Variants in OSTN observed in about 807,000 individuals in gnomAD.
OSTN encodes osteocrin.
Under a neutral mutation model 12.0 loss-of-function variants are expected in OSTN, and 9 were observed. That is an observed-to-expected ratio of 0.75 (90% CI 0.45 to 1.30). The LOEUF is 1.30. OSTN is among the 50% of genes most tolerant of loss of function. The pLI is 0.00. For missense variants in OSTN, 148 were observed against 152.3 expected, an observed-to-expected ratio of 0.97 and a Z score of 0.15; for synonymous variants, 59 against 56.9, an observed-to-expected ratio of 1.04 and a Z score of -0.16.
chr3:191,213,441 A>T lies in OSTN; in HGVS notation c.102+807A>T, dbSNP rs190049719. 70 of 152,290 alleles carry T rather than the reference A, an allele frequency of 4.6e-4. 1 individual carries two copies. Among genetic ancestry groups the T allele is most frequent in the African/African-American group, 1.7e-3 (69 of 41,562 alleles). 9.4% of individuals were successfully genotyped at this position (152,290 alleles called of 1,614,324 possible). A position where few individuals can be genotyped will look rare whatever the true frequency, so the allele number is the denominator to read the frequency against. ...AAGAAACTTAAGAACAAAGACTTGA[A>T]TTCCTTGAACAAAAAAAGCTTTAAG... On this transcript the variant is annotated intron_variant, in intron 2 of 4. Coordinates refer to ENST00000682035, the MANE Select transcript of OSTN (RefSeq NM_198184.2).
intron 1 of OSTN, among the ~76,000 whole-genome samples, chr3:191,204,626 C>T (rs1201906099): frequency 6.6e-6 from 1 of 152,170 alleles, no homozygotes; most frequent in East Asian, 1.9e-4. Flanking sequence ...GGCTGGAGGT[C>T]CCAATCTTTG....
chr3:191,264,648 G>T lies in OSTN; in HGVS notation c.*1795G>T, dbSNP rs556101582. 1 of 152,220 alleles carries T rather than the reference G, an allele frequency of 6.6e-6. No homozygotes were observed. The highest frequency in any genetic ancestry group is 2.4e-5 in the African/African-American group (1 of 41,546). The allele number at this position is 152,220 out of a possible 1,614,324, so 9.4% of individuals were successfully genotyped here. A position where few individuals can be genotyped will look rare whatever the true frequency, so the allele number is the denominator to read the frequency against. On this transcript the variant is annotated 3_prime_UTR_variant, in exon 5 of 5. Transcript: ENST00000682035. ...TTATTTAAGAAGTTGTGATATCCTT[G>T]TCTGCCTTTCCCCAACCTTGTGATG...
chr3:191,258,612 A>T (rs1338292226), intron 4 of OSTN, among the ~76,000 whole-genome samples: 1 of 151,884 alleles, frequency 6.6e-6, no homozygotes, highest in African/African-American at 2.4e-5. Context: ...TAGCTATGTA[A>T]CAAGCCTGCA....
At chr3:191,232,415 A>G (rs572841783) in intron 3 of OSTN, among the ~76,000 whole-genome samples, 103 of 150,564 alleles carry the variant, frequency 6.8e-4, no homozygotes, top group African/African-American at 2.4e-3. Context: ...GATAATTAAA[A>G]TGTGCTTTGA....
At chr3:191,256,124 A>C (rs931246210) in intron 4 of OSTN, among the ~76,000 whole-genome samples, 1 of 152,068 alleles carries the variant, frequency 6.6e-6, no homozygotes, top group African/African-American at 2.4e-5. Context: ...AAAATCAGTT[A>C]TTTCTATAGC....
At chr3:191,207,458 A>C (rs1230937609) in intron 1 of OSTN, among the ~76,000 whole-genome samples, 1 of 152,164 alleles carries the variant, frequency 6.6e-6, no homozygotes, top group East Asian at 1.9e-4. Context: ...TAATAGGTGC[A>C]TGAGATCAGA....
rs138510978 is a variant in OSTN at position 191,262,815 on chromosome 3, G to C, written c.*13-51G>C. The C allele has an allele frequency of 6.2e-4, 435 of 700,084 alleles. 3 individuals are homozygous for C. The East Asian group carries it at 0.011, about 18-fold the overall frequency. 43.4% of individuals were successfully genotyped at this position (700,084 alleles called of 1,614,324 possible). ...AAGTGAAGTTGATGGACTTCCACCT[G>C]ATCTACAGAGTTCTCATTAGCTTTA... is the stretch of plus-strand genomic sequence containing the variant. On this transcript the variant is annotated intron_variant, in intron 4 of 4. Coordinates refer to ENST00000682035, the MANE Select transcript of OSTN (RefSeq NM_198184.2).
At chr3:191,232,485 TC>T (rs1159334752) in intron 3 of OSTN, among the ~76,000 whole-genome samples, 1 of 149,740 alleles carries the variant, frequency 6.7e-6, no homozygotes, top group Non-Finnish European at 1.5e-5. Flanking sequence ...ATTATTTTTT[TC>T]TATATTCATA....
intron 2 of OSTN, among the ~76,000 whole-genome samples, chr3:191,214,436 C>CAAA (rs71298518): frequency 1.0e-4 from 2 of 19,334 alleles, no homozygotes; most frequent in Admixed American, 8.4e-4. Flanking sequence ...GACTCCATCT[C>CAAA]AAAAAAAAAA....
intron 4 of OSTN, among the ~76,000 whole-genome samples, chr3:191,253,861 A>C (rs1576939991): frequency 6.6e-6 from 1 of 152,216 alleles, no homozygotes. Context: ...TTAAAGAAAT[A>C]TATTTTGGAG....
intron 1 of OSTN, among the ~76,000 whole-genome samples, chr3:191,204,748 A>G (rs1714230203): frequency 6.6e-6 from 1 of 152,194 alleles, no homozygotes; most frequent in Admixed American, 6.5e-5. Flanking sequence ...AAATATCGAG[A>G]TTACCTATAG....
At chr3:191,223,486 T>C (rs761235806) in intron 3 of OSTN, among the ~76,000 whole-genome samples, 1 of 152,184 alleles carries the variant, frequency 6.6e-6, no homozygotes, top group Non-Finnish European at 1.5e-5. Context: ...AGCACAACCA[T>C]CAAACTTTCA....
In OSTN at chr3:191,201,450, T is replaced by C. The variant is rs113958569; in HGVS notation, c.-1+2143T>C. 7.9e-3 allele frequency among the ~76,000 whole-genome samples: 1,197 copies of C among 152,278 alleles called. 4 individuals carry two copies. The highest frequency in any genetic ancestry group is 0.013 in the Non-Finnish European group (913 of 68,014). ...TTCCCAGGGTACCTAAGGCTATAAATATGTGAAAATTCCACTTTTAAAATA... is the reference window on the plus strand; with the variant it reads ...TTCCCAGGGTACCTAAGGCTATAAACATGTGAAAATTCCACTTTTAAAATA... On this transcript the variant is annotated intron_variant, in intron 1 of 4. Transcript: ENST00000682035.
intron 2 of OSTN, 58 bp downstream of exon 2, chr3:191,212,692 CAT>C (rs1425198104): frequency 2.9e-6 from 2 of 699,060 alleles, no homozygotes; most frequent in Middle Eastern, 2.7e-4. Flanking sequence ...TTATAAATGA[CAT>C]GTTTGTATAT....
intron 3 of OSTN, among the ~76,000 whole-genome samples, chr3:191,237,020 T>G (rs1456492957): frequency 6.6e-6 from 1 of 152,200 alleles, no homozygotes; most frequent in Admixed American, 6.5e-5. Flanking sequence ...CCACTTAATT[T>G]CTTTGCAGAA....
At chr3:191,253,460 T>C (rs561489433) in intron 4 of OSTN, among the ~76,000 whole-genome samples, 2 of 152,322 alleles carry the variant, frequency 1.3e-5, no homozygotes, top group Admixed American at 6.5e-5. Flanking sequence ...TTAACATTTA[T>C]ACCTGGGAGG....
At chr3:191,257,911 T>C (rs12487348) in intron 4 of OSTN, among the ~76,000 whole-genome samples, 29,863 of 152,172 alleles carry the variant, frequency 0.2, 3,705 homozygotes, top group Admixed American at 0.29. Flanking sequence ...CATATATACA[T>C]ATACATGTAT....
At chr3:191,216,615 A>C (rs757556240) in intron 2 of OSTN, among the ~76,000 whole-genome samples, 25 of 152,302 alleles carry the variant, frequency 1.6e-4, no homozygotes, top group Non-Finnish European at 1.8e-4. Flanking sequence ...GCTGCTTAGA[A>C]ATTTCTTCTG....
intron 3 of OSTN, among the ~76,000 whole-genome samples, chr3:191,239,272 T>C (rs995479575): frequency 6.6e-6 from 1 of 152,066 alleles, no homozygotes; most frequent in African/African-American, 2.4e-5. Context: ...GGGTTTTAAA[T>C]ACCCTCTAGA....
Sources: gnomAD v4.1 joint callset for allele counts (sites outside exome capture counted in the v4.1 genomes callset) on GRCh38, gnomAD v4.1.1 for gene constraint, MANE v1.5 for transcripts, NCBI Gene and HGNC (gene_info 2026-07-23, HGNC 2026-07-21) for gene names.